SRSF11: variants seen among roughly 807,000 people sequenced by gnomAD.
The protein encoded by SRSF11 is serine/arginine-rich splicing factor 11.
A neutral mutation model predicts 56.0 loss-of-function variants in SRSF11; 9 were observed. The observed-to-expected ratio is 0.16, with a 90% CI of 0.10 to 0.28. The LOEUF (loss-of-function observed/expected upper bound fraction) is 0.28, where lower values mean the gene tolerates loss of function less well. SRSF11 is among the 10% of genes least tolerant of loss of function. The pLI is 1.00. For missense variants in SRSF11, 421 were observed against 600.7 expected, an observed-to-expected ratio of 0.70 and a Z score of 3.13; for synonymous variants, 222 against 215.3, an observed-to-expected ratio of 1.03 and a Z score of -0.27.
chr1:70,207,824 C>T (rs1351548958), intron 1 of SRSF11, among the ~76,000 whole-genome samples: 1 of 151,762 alleles, frequency 6.6e-6, no homozygotes, highest in Non-Finnish European at 1.5e-5. Flanking sequence ...ATCCTGGGCT[C>T]AAACAGTCCT....
chr1:70,245,304 A>G (rs1330826143), intron 8 of SRSF11, among the ~76,000 whole-genome samples: 1 of 152,162 alleles, frequency 6.6e-6, no homozygotes, highest in Non-Finnish European at 1.5e-5. Flanking sequence ...TTGTTCATTT[A>G]TATATTTAGT....
intron 8 of SRSF11, 86 bp downstream of exon 8, chr1:70,244,901 T>A: frequency 7.3e-7 from 1 of 1,365,758 alleles, no homozygotes; most frequent in African/African-American, 1.4e-5. Flanking sequence ...GTGGTTGGGG[T>A]GCGGGGCAGA....
At chr1:70,241,495 C>T (rs1241988718) in intron 7 of SRSF11, among the ~76,000 whole-genome samples, 1 of 152,164 alleles carries the variant, frequency 6.6e-6, no homozygotes, top group Non-Finnish European at 1.5e-5. Context: ...CAGATCATGT[C>T]ACAGATACTG....
intron 3 of SRSF11, among the ~76,000 whole-genome samples, chr1:70,234,437 G>A (rs1402589959): frequency 1.3e-5 from 2 of 152,068 alleles, no homozygotes; most frequent in Admixed American, 1.3e-4. Context: ...TGGAACATGG[G>A]TGTCATATAG....
intron 1 of SRSF11, among the ~76,000 whole-genome samples, chr1:70,227,803 G>A (rs1256847421): frequency 6.6e-6 from 1 of 152,200 alleles, no homozygotes; most frequent in Non-Finnish European, 1.5e-5. Context: ...GGTGGCACTA[G>A]TGGAACGTAG....
intron 2 of SRSF11, chr1:70,229,999 A>G: frequency 5.1e-6 from 5 of 985,356 alleles, no homozygotes; most frequent in Non-Finnish European, 4.8e-6. Flanking sequence ...ACAGAATTCA[A>G]ATTCAGGATG....
intron 2 of SRSF11, 37 bp from the exon 3 acceptor site, chr1:70,232,231 A>G: frequency 6.2e-7 from 1 of 1,614,162 alleles, no homozygotes; most frequent in Non-Finnish European, 8.5e-7. Flanking sequence ...CTGTCTTAGA[A>G]AAGAATGTGT....
intron 1 of SRSF11, among the ~76,000 whole-genome samples, chr1:70,225,808 T>C (rs940505474): frequency 6.6e-6 from 1 of 152,144 alleles, no homozygotes; most frequent in Non-Finnish European, 1.5e-5. Flanking sequence ...TACTTTATAT[T>C]AATTCTAAAG....
At position 70,246,980 on chromosome 1, in the gene SRSF11, T is replaced by C. The variant is rs1167175560; in HGVS notation, c.1022+73T>C. The C allele has an allele frequency of 1.8e-5, 23 of 1,287,000 alleles. No homozygotes were observed. The Admixed American group carries it at 4.7e-4, about 26-fold the overall frequency. The allele number at this position is 1,287,000 out of a possible 1,614,324, so 79.7% of individuals were successfully genotyped here. A position where few individuals can be genotyped will look rare whatever the true frequency, so the allele number is the denominator to read the frequency against. On this transcript the variant is annotated intron_variant, in intron 9 of 11. Coordinates refer to ENST00000370949, the MANE Select transcript of SRSF11 (RefSeq NM_001350605.2). ...TCTAACAGTATCAGTACGCTGTCAGTATGAAGTCTTTTCCAGAACATAAGT... is the reference window on the plus strand; with the variant it reads ...TCTAACAGTATCAGTACGCTGTCAGCATGAAGTCTTTTCCAGAACATAAGT...
At chr1:70,233,701 CAAG>C (rs1406478815) in intron 3 of SRSF11, among the ~76,000 whole-genome samples, 3 of 152,136 alleles carry the variant, frequency 2.0e-5, no homozygotes. Context: ...TAAATTGAAA[CAAG>C]GAGAACTTGT....
chr1:70,244,343 A>C (rs1056633698), intron 7 of SRSF11, among the ~76,000 whole-genome samples: 1 of 152,220 alleles, frequency 6.6e-6, no homozygotes, highest in Admixed American at 6.5e-5. Context: ...AATGCTATAT[A>C]ATTGTATAAG....
intron 1 of SRSF11, among the ~76,000 whole-genome samples, chr1:70,222,296 T>G (rs1377321560): frequency 2.6e-5 from 4 of 152,232 alleles, no homozygotes; most frequent in Non-Finnish European, 5.9e-5. Context: ...GTTATGTGGT[T>G]CTGGCCCAGC....
At chr1:70,240,032 C>G (rs1674975526) in intron 7 of SRSF11, among the ~76,000 whole-genome samples, 1 of 151,988 alleles carries the variant, frequency 6.6e-6, no homozygotes, top group South Asian at 2.1e-4. Flanking sequence ...TGCCAAATAC[C>G]CAAGTCTAAT....
At chr1:70,231,328 T>A in intron 2 of SRSF11, 2 of 1,153,194 alleles carry the variant, frequency 1.7e-6, no homozygotes, top group Non-Finnish European at 2.2e-6. Flanking sequence ...ATTAACAGAT[T>A]AATCCATCTG....
chr1:70,217,139 GT>G (rs926218290), upstream of SRSF11, among the ~76,000 whole-genome samples: 5 of 151,476 alleles, frequency 3.3e-5, no homozygotes, highest in Admixed American at 6.6e-5. Flanking sequence ...GGTTTTTTGT[GT>G]TTTTTTTGTT....
At chr1:70,242,472 CT>C (rs377434872) in intron 7 of SRSF11, among the ~76,000 whole-genome samples, 27 of 139,346 alleles carry the variant, frequency 1.9e-4, no homozygotes, top group East Asian at 2.3e-4. Context: ...ATTTTTGCAC[CT>C]TTTTTTTTTA....
chr1:70,231,935 G>T, intron 2 of SRSF11: 3 of 1,531,142 alleles, frequency 2.0e-6, no homozygotes, highest in Non-Finnish European at 2.6e-6. Context: ...AACCGACTGT[G>T]CTTGCTTACG....
rs891855356 is a variant in SRSF11 at position 70,230,069 on chromosome 1, A to G, written c.337+1514A>G. 9.1e-6 allele frequency: 9 copies of G among 985,276 alleles called. No homozygotes were observed. In the African/African-American group the frequency reaches 1.6e-4, roughly 17 times the overall value. 61.0% of individuals were successfully genotyped at this position (985,276 alleles called of 1,614,324 possible). ...AAATCATGTGAGTAATATGTAAAAC[A>G]TTTTGGTTAGCCTGTAAATTTAAAT... is the stretch of plus-strand genomic sequence containing the variant. On this transcript the variant is annotated intron_variant, in intron 2 of 11. Coordinates refer to ENST00000370949, the MANE Select transcript of SRSF11 (RefSeq NM_001350605.2).
At chr1:70,241,391 C>T (rs545755854) in intron 7 of SRSF11, among the ~76,000 whole-genome samples, 3 of 152,222 alleles carry the variant, frequency 2.0e-5, no homozygotes, top group East Asian at 3.9e-4. Context: ...TGAAGTATTA[C>T]AGGGGTTATC....
Sources: allele counts gnomAD v4.1 joint callset (sites outside exome capture counted in the v4.1 genomes callset), GRCh38; gene constraint gnomAD v4.1.1; transcripts MANE v1.5; gene names NCBI Gene and HGNC (gene_info 2026-07-23, HGNC 2026-07-21).